Variants in SYT16 observed in about 807,000 individuals in gnomAD.
The protein encoded by SYT16 is synaptotagmin-16.
Under a neutral mutation model 61.4 loss-of-function variants are expected in SYT16, and 42 were observed. The observed-to-expected ratio is 0.68, with a 90% CI of 0.53 to 0.89. SYT16 has a LOEUF of 0.89. Ranked by LOEUF, SYT16 falls within the 40% of genes least tolerant of loss-of-function variation. The pLI is 0.00. For synonymous variants in SYT16, 314 were observed against 302.3 expected, an observed-to-expected ratio of 1.04 and a Z score of -0.40; for missense variants, 804 against 807.3, an observed-to-expected ratio of 1.00 and a Z score of 0.05.
chr14:61,910,143 A>G (rs138381037), intron 1 of SYT16, among the ~76,000 whole-genome samples: 276 of 152,310 alleles, frequency 1.8e-3, no homozygotes, highest in African/African-American at 6.4e-3. Flanking sequence ...ATTCATATCC[A>G]TATAAATATA....
intron 4 of SYT16, 36 bp from the exon 5 acceptor site, chr14:62,075,099 A>G: frequency 6.4e-7 from 1 of 1,563,322 alleles, no homozygotes; most frequent in Non-Finnish European, 8.7e-7. Context: ...TGTTAAAAAT[A>G]ATGCATTTGA....
intron 2 of SYT16, among the ~76,000 whole-genome samples, chr14:61,978,897 G>A (rs1005562065): frequency 4.6e-5 from 7 of 152,184 alleles, no homozygotes; most frequent in East Asian, 1.9e-4. Flanking sequence ...AGTTATTTAC[G>A]AAAGTTGTCT....
intron 3 of SYT16, among the ~76,000 whole-genome samples, chr14:62,035,461 A>G (rs1953539): frequency 0.33 from 50,779 of 152,052 alleles, 9,266 homozygotes; most frequent in African/African-American, 0.47. Flanking sequence ...TAAAGGTTGG[A>G]TACAATACGG....
At chr14:61,835,800 A>T (rs1300518979) in intron 1 of SYT16, among the ~76,000 whole-genome samples, 1 of 152,248 alleles carries the variant, frequency 6.6e-6, no homozygotes, top group Non-Finnish European at 1.5e-5. Flanking sequence ...CATTGATAAC[A>T]AAATCAAACA....
At chr14:61,832,718 G>GT (rs2045981486) in intron 1 of SYT16, among the ~76,000 whole-genome samples, 2 of 152,254 alleles carry the variant, frequency 1.3e-5, no homozygotes, top group South Asian at 4.1e-4. Flanking sequence ...GATTACATGC[G>GT]TGAGCCACCG....
chr14:62,092,173 A>AACACACACACACACAC (rs56324432), intron 7 of SYT16, among the ~76,000 whole-genome samples: 12 of 131,398 alleles, frequency 9.1e-5, no homozygotes, highest in Admixed American at 4.0e-4. Context: ...TGGCTACTAT[A>AACACACACACACACAC]ACACACACAC....
chr14:62,095,502 CA>C (rs2057242563), intron 7 of SYT16, among the ~76,000 whole-genome samples: 1 of 151,544 alleles, frequency 6.6e-6, no homozygotes, highest in African/African-American at 2.4e-5. Context: ...ATAATAGGAA[CA>C]AAATATCTAC....
chr14:61,823,574 C>CAAAAAAAAAAAAAAA (rs55935256), intron 1 of SYT16, among the ~76,000 whole-genome samples: 3 of 71,036 alleles, frequency 4.2e-5, no homozygotes, highest in African/African-American at 5.5e-5. Context: ...ACTAAAAATA[C>CAAAAAAAAAAAAAAA]AAAAAAAAAA....
intron 3 of SYT16, among the ~76,000 whole-genome samples, chr14:62,048,370 T>C (rs8019963): frequency 0.078 from 11,801 of 152,192 alleles, 574 homozygotes; most frequent in East Asian, 0.14. Flanking sequence ...TCTCTCTTTT[T>C]TTCTTTATTA....
At chr14:61,853,078 C>T (rs1370534181) in intron 1 of SYT16, among the ~76,000 whole-genome samples, 2 of 152,070 alleles carry the variant, frequency 1.3e-5, no homozygotes, top group African/African-American at 4.8e-5. Flanking sequence ...GCCACCATGC[C>T]CAACTAATTT....
At chr14:61,981,461 A>G (rs1426243528) in intron 2 of SYT16, among the ~76,000 whole-genome samples, 1 of 152,208 alleles carries the variant, frequency 6.6e-6, no homozygotes, top group African/African-American at 2.4e-5. Flanking sequence ...AAACGTTCAA[A>G]CATACAAGAA....
chr14:62,028,553 C>T (rs867480758), intron 3 of SYT16, among the ~76,000 whole-genome samples: 2 of 152,108 alleles, frequency 1.3e-5, no homozygotes, highest in Non-Finnish European at 2.9e-5. Flanking sequence ...TTCCTCTGTT[C>T]ATTTAAACTT....
At chr14:62,049,015 A>G (rs1308332389) in intron 3 of SYT16, among the ~76,000 whole-genome samples, 1 of 152,100 alleles carries the variant, frequency 6.6e-6, no homozygotes, top group Non-Finnish European at 1.5e-5. Context: ...AGCTGAGTTC[A>G]ATTCCTGGAT....
At chr14:61,938,219 T>C (rs2050067002) in intron 1 of SYT16, among the ~76,000 whole-genome samples, 1 of 152,164 alleles carries the variant, frequency 6.6e-6, no homozygotes, top group Non-Finnish European at 1.5e-5. Context: ...GTTTTCCTCC[T>C]TATCTGCTTC....
intron 1 of SYT16, among the ~76,000 whole-genome samples, chr14:61,858,944 TCC>T (rs1445939242): frequency 3.3e-5 from 5 of 150,954 alleles, no homozygotes; most frequent in African/African-American, 9.8e-5. Context: ...AACCTCCGCC[TCC>T]TGGGTTCACG....
At chr14:61,874,555 A>G (rs2047428215) in intron 1 of SYT16, among the ~76,000 whole-genome samples, 1 of 152,178 alleles carries the variant, frequency 6.6e-6, no homozygotes, top group African/African-American at 2.4e-5. Context: ...GTGTCATCAC[A>G]CGTTTGTGCC....
chr14:62,049,394 G>C (rs551195539), intron 3 of SYT16, among the ~76,000 whole-genome samples: 1 of 152,272 alleles, frequency 6.6e-6, no homozygotes, highest in African/African-American at 2.4e-5. Flanking sequence ...TGGGTTTCCT[G>C]AATACAGCAC....
chr14:62,043,282 G>A (rs752254071), intron 3 of SYT16, among the ~76,000 whole-genome samples: 77 of 151,826 alleles, frequency 5.1e-4, no homozygotes, highest in Non-Finnish European at 9.3e-4. Context: ...GAATGCTAAA[G>A]TTTCGCTATC....
intron 2 of SYT16, among the ~76,000 whole-genome samples, chr14:61,983,676 C>T (rs1442474660): frequency 3.9e-5 from 6 of 152,064 alleles, no homozygotes; most frequent in African/African-American, 9.7e-5. Flanking sequence ...CAGTTGCAAG[C>T]TACCACACCA....
Sources: allele counts gnomAD v4.1 joint callset (sites outside exome capture counted in the v4.1 genomes callset), GRCh38; gene constraint gnomAD v4.1.1; transcripts MANE v1.5; gene names NCBI Gene and HGNC (gene_info 2026-07-23, HGNC 2026-07-21).